The following CDH23 variants were observed in gnomAD, a reference collection of about 807,000 sequenced individuals.
CDH23 encodes cadherin-23.
Under a neutral mutation model 317.1 loss-of-function variants are expected in CDH23, and 189 were observed. The ratio of observed to expected loss-of-function variants is 0.60; its 90% CI spans 0.53 to 0.67. The LOEUF is 0.67. CDH23 is among the 30% of genes least tolerant of loss of function. The probability of loss-of-function intolerance (pLI) is 0.00; values close to 1 mark genes in which losing one functional copy is unlikely to be tolerated. For synonymous variants in CDH23, 1,839 were observed against 1,876.8 expected (o/e 0.98, Z 0.52); for missense variants, 4,401 against 4,592.4 (o/e 0.96, Z 1.20).
At chr10:71,681,398 G>T (rs932267762) in intron 17 of CDH23, among the ~76,000 whole-genome samples, 7 of 152,192 alleles carry the variant, frequency 4.6e-5, no homozygotes, top group African/African-American at 1.7e-4. Flanking sequence ...TCAGTCGTGT[G>T]CAGTGGTAGG....
At chr10:71,604,402 TGCCACGCA>T (rs1860410551) in intron 9 of CDH23, among the ~76,000 whole-genome samples, 1 of 152,260 alleles carries the variant, frequency 6.6e-6, no homozygotes, top group Non-Finnish European at 1.5e-5. Flanking sequence ...GCACCTCGTC[TGCCACGCA>T]GCGGGCCCAC....
At chr10:71,463,049 A>G (rs561288859) in intron 3 of CDH23, among the ~76,000 whole-genome samples, 3 of 152,348 alleles carry the variant, frequency 2.0e-5, no homozygotes, top group African/African-American at 7.2e-5. Flanking sequence ...ATTGAATGCC[A>G]TGGGGAGGGG....
intron 6 of CDH23, among the ~76,000 whole-genome samples, chr10:71,539,618 C>G (rs1178393759): frequency 1.3e-5 from 2 of 152,084 alleles, no homozygotes; most frequent in Admixed American, 6.5e-5. Context: ...CATTGCAAAC[C>G]CAGCCTCTCT....
In CDH23 at chr10:71,533,214, C is replaced by T. The variant is rs368907156; in HGVS notation, c.429+22002C>T. 7.2e-5 allele frequency among the ~76,000 whole-genome samples: 11 copies of T among 151,858 alleles called. 2 individuals carry two copies. Among genetic ancestry groups the T allele is most frequent in the Admixed American group, 4.0e-4 (6 of 14,924 alleles). On this transcript the variant is annotated intron_variant, in intron 6 of 69. Coordinates refer to ENST00000224721, the MANE Select transcript of CDH23 (RefSeq NM_022124.6). ...GGTGAGCTCCGGAATCACAAGACCCCTTGATTCTCATCCTGTTTCTGCCAT... is the reference window on the plus strand; with the variant it reads ...GGTGAGCTCCGGAATCACAAGACCCTTTGATTCTCATCCTGTTTCTGCCAT...
At chr10:71,562,542 G>A (rs1857187609) in intron 6 of CDH23, among the ~76,000 whole-genome samples, 1 of 152,218 alleles carries the variant, frequency 6.6e-6, no homozygotes, top group African/African-American at 2.4e-5. Context: ...GAGGGTCTGG[G>A]TGAGCCTGGG....
At chr10:71,677,796 C>CATA in intron 16 of CDH23, 103 bp downstream of exon 16, 1 of 956,586 alleles carries the variant, frequency 1.0e-6, no homozygotes, top group Non-Finnish European at 1.6e-6. Flanking sequence ...AGACAGGTCT[C>CATA]ACTCTTTCAC....
intron 30 of CDH23, among the ~76,000 whole-genome samples, chr10:71,728,949 G>C (rs114831534): frequency 0.013 from 2,018 of 151,862 alleles, 50 homozygotes; most frequent in African/African-American, 0.047. Flanking sequence ...TCTTGCCTCC[G>C]CCTCCCTAGT....
intron 9 of CDH23, among the ~76,000 whole-genome samples, chr10:71,582,399 A>G (rs1388722839): frequency 1.3e-5 from 2 of 152,216 alleles, no homozygotes; most frequent in African/African-American, 4.8e-5. Flanking sequence ...TATATTGATG[A>G]CATGTTGAAA....
intron 1 of CDH23, among the ~76,000 whole-genome samples, chr10:71,432,553 T>C (rs1034131788): frequency 8.5e-5 from 13 of 152,154 alleles, no homozygotes; most frequent in East Asian, 1.9e-4. Context: ...TGTGTGTGTG[T>C]GCTTTCAGGC....
Position 71,638,955 on chromosome 10 carries a change from C to T in CDH23, c.1135-4906C>T, listed in dbSNP as rs1354209650. 5.9e-5 allele frequency among the ~76,000 whole-genome samples: 9 copies of T among 152,156 alleles called. No individual in the cohort carries two copies. In the East Asian group the frequency reaches 7.8e-4, roughly 13 times the overall value. ...CAGCCGGCTGATAAGGCGCTGCCCT[C>T]GTGGGGGTGGGAAAGCTGCAGCCCT... is the stretch of plus-strand genomic sequence containing the variant. On this transcript the variant is annotated intron_variant, in intron 11 of 69. Transcript: ENST00000224721.
intron 11 of CDH23, 191 bp downstream of exon 11, chr10:71,617,584 C>A (rs1285399352): frequency 1.4e-6 from 2 of 1,390,746 alleles, no homozygotes; most frequent in Admixed American, 2.8e-5. Flanking sequence ...CCCCTACACC[C>A]TGCAAAAAAC....
intron 8 of CDH23, 53 bp from the exon 9 acceptor site, chr10:71,577,861 G>A: frequency 1.4e-6 from 2 of 1,469,490 alleles, no homozygotes; most frequent in South Asian, 1.2e-5. Flanking sequence ...TAGCTACAAA[G>A]AAAGACAGCA....
intron 14 of CDH23, among the ~76,000 whole-genome samples, chr10:71,671,928 T>C (rs1347141190): frequency 6.6e-6 from 1 of 152,174 alleles, no homozygotes. Flanking sequence ...GCAGTTGTAG[T>C]TATAGGTGAC....
At chr10:71,502,015 C>T (rs1853364874) in intron 3 of CDH23, among the ~76,000 whole-genome samples, 1 of 152,242 alleles carries the variant, frequency 6.6e-6, no homozygotes, top group Non-Finnish European at 1.5e-5. Flanking sequence ...GCTACTCACA[C>T]ATGCATAGCT....
chr10:71,569,583 G>C (rs568802465), intron 7 of CDH23, among the ~76,000 whole-genome samples: 3 of 152,334 alleles, frequency 2.0e-5, no homozygotes, highest in African/African-American at 7.2e-5. Flanking sequence ...TGATGTTAGA[G>C]CCCCAAGTCA....
intron 14 of CDH23, among the ~76,000 whole-genome samples, chr10:71,670,742 T>G (rs891449622): frequency 2.0e-5 from 3 of 152,216 alleles, no homozygotes; most frequent in Non-Finnish European, 2.9e-5. Flanking sequence ...TGAAGGATTT[T>G]GGGCAGAGAA....
Position 71,500,743 on chromosome 10 carries a change from T to A in CDH23, c.146-9339T>A, listed in dbSNP as rs533484011. ...GCTTGCTGACCTTGGGTAGGTCACT[T>A]TACCCCTCTGAGCCTGTTTTCTTTT... On this transcript the variant is annotated intron_variant, in intron 3 of 69. Coordinates refer to ENST00000224721, the MANE Select transcript of CDH23 (RefSeq NM_022124.6). 7.9e-5 allele frequency among the ~76,000 whole-genome samples: 12 copies of A among 152,156 alleles called. No homozygotes were observed. The South Asian group carries it at 2.1e-3, about 26-fold the overall frequency.
intron 8 of CDH23, among the ~76,000 whole-genome samples, chr10:71,575,924 T>C (rs1172702000): frequency 6.6e-6 from 1 of 152,230 alleles, no homozygotes; most frequent in African/African-American, 2.4e-5. Context: ...AAAGTGGATT[T>C]ATTTACCCAA....
intron 11 of CDH23, among the ~76,000 whole-genome samples, chr10:71,632,203 G>A (rs1164584669): frequency 6.6e-6 from 1 of 152,150 alleles, no homozygotes. Context: ...GAAGTGAGAG[G>A]CACCAGCATG....
Sources: allele counts gnomAD v4.1 joint callset (sites outside exome capture counted in the v4.1 genomes callset), GRCh38; gene constraint gnomAD v4.1.1; transcripts MANE v1.5; gene names NCBI Gene and HGNC (gene_info 2026-07-23, HGNC 2026-07-21).